PEX5L: variants seen among roughly 807,000 people sequenced by gnomAD.
PEX5L encodes PEX5-related protein.
In PEX5L, 30 loss-of-function variants were observed where a neutral mutation model predicts 84.0. The ratio of observed to expected loss-of-function variants is 0.36; its 90% CI spans 0.27 to 0.48. The LOEUF is 0.48. Ranked by LOEUF, PEX5L falls within the 20% of genes least tolerant of loss-of-function variation. The pLI, the probability that PEX5L is intolerant of heterozygous loss-of-function variation, is 0.99. For synonymous variants in PEX5L, 270 were observed against 283.1 expected, an observed-to-expected ratio of 0.95 and a Z score of 0.46; for missense variants, 533 against 754.6, an observed-to-expected ratio of 0.71 and a Z score of 3.44.
At chr3:179,855,016 C>T (rs1577647215) in intron 8 of PEX5L, among the ~76,000 whole-genome samples, 2 of 152,162 alleles carry the variant, frequency 1.3e-5, no homozygotes, top group East Asian at 3.9e-4. Flanking sequence ...AGGAACCTGC[C>T]ACCTGAAGAT....
chr3:179,982,477 T>A (rs1786425296), intron 1 of PEX5L, among the ~76,000 whole-genome samples: 1 of 152,102 alleles, frequency 6.6e-6, no homozygotes, highest in African/African-American at 2.4e-5. Context: ...ATCCCAAATC[T>A]TAGGTGCTTC....
intron 9 of PEX5L, among the ~76,000 whole-genome samples, chr3:179,818,144 T>C (rs912981331): frequency 3.3e-5 from 5 of 152,204 alleles, no homozygotes; most frequent in African/African-American, 1.2e-4. Flanking sequence ...AGATACTCAA[T>C]AAATATTTGT....
At chr3:179,929,087 T>C (rs1380375936) in intron 2 of PEX5L, among the ~76,000 whole-genome samples, 3 of 152,168 alleles carry the variant, frequency 2.0e-5, no homozygotes, top group Non-Finnish European at 4.4e-5. Flanking sequence ...TTCCATCAAG[T>C]CTCAATAATC....
intron 8 of PEX5L, among the ~76,000 whole-genome samples, chr3:179,828,757 A>G (rs746959994): frequency 1.3e-5 from 2 of 152,164 alleles, no homozygotes; most frequent in Non-Finnish European, 2.9e-5. Context: ...CCACAAAAAC[A>G]GAGACCTTTG....
chr3:179,801,879 A>G lies in PEX5L; in HGVS notation c.1830T>C (p.Ala610=). ...LMDQPELFQA[A]NLGDLDVLLR... ...AGAGGACATCCAGGTCACCAAGATT[A>G]GCCGCCTGGAAGAGTTCTGGTTGGT... Residue 610 remains alanine, a synonymous_variant, in exon 15 of 15, where the codon GCT becomes GCC. Coordinates refer to ENST00000467460, the MANE Select transcript of PEX5L (RefSeq NM_016559.3). The G allele has an allele frequency of 6.2e-7, 1 of 1,614,074 alleles. No individual in the cohort carries two copies. The highest frequency in any genetic ancestry group is 8.5e-7 in the Non-Finnish European group (1 of 1,179,914).
rs966290627 is a variant in PEX5L, at chr3:179,798,877, C to T, written c.*2951G>A. 2.6e-5 allele frequency: 4 copies of T among 152,104 alleles called. No individual in the cohort carries two copies. Among genetic ancestry groups the T allele is most frequent in the African/African-American group, 7.2e-5 (3 of 41,420 alleles). The allele number at this position is 152,104 out of a possible 1,614,324, so 9.4% of individuals were successfully genotyped here. A position where few individuals can be genotyped will look rare whatever the true frequency, so the allele number is the denominator to read the frequency against. ...TTATACAAAAAGACTGTTCTAAAGT[C>T]TTGCTACTGATTTCTTGGTGGTGCT... On this transcript the variant is annotated 3_prime_UTR_variant, in exon 15 of 15. Transcript: ENST00000467460.
At chr3:179,819,228 C>T (rs1317196078) in intron 9 of PEX5L, among the ~76,000 whole-genome samples, 2 of 152,040 alleles carry the variant, frequency 1.3e-5, no homozygotes, top group African/African-American at 4.8e-5. Flanking sequence ...TCCCCCCAAC[C>T]CCACCAAGTG....
chr3:179,901,570 C>T (rs771311539), intron 2 of PEX5L, among the ~76,000 whole-genome samples: 1 of 152,184 alleles, frequency 6.6e-6, no homozygotes, highest in Non-Finnish European at 1.5e-5. Flanking sequence ...ATAATTTCAG[C>T]CTATTTCTTT....
At chr3:179,855,637 C>T (rs1337805164) in intron 8 of PEX5L, among the ~76,000 whole-genome samples, 1 of 152,122 alleles carries the variant, frequency 6.6e-6, no homozygotes. Context: ...ATGTTGAAAC[C>T]TAACTCCAAA....
rs369340133 is a variant in PEX5L, at chr3:179,863,574, G to A, written c.727-4417C>T. On this transcript the variant is annotated intron_variant, in intron 7 of 14. Coordinates refer to ENST00000467460, the MANE Select transcript of PEX5L (RefSeq NM_016559.3). The stretch of plus-strand genomic sequence containing the variant: ...ACGTACAAATGGCCAATAGATATAT[G>A]AACAAAATATTCAACATTACTAATC... Among the ~76,000 whole-genome samples the A allele has an allele frequency of 3.5e-3, 528 of 152,208 alleles. 6 individuals are homozygous for A. The highest frequency in any genetic ancestry group is 0.012 in the African/African-American group (502 of 41,540).
chr3:180,014,602 A>G (rs1055946973), intron 1 of PEX5L, among the ~76,000 whole-genome samples: 1 of 152,236 alleles, frequency 6.6e-6, no homozygotes, highest in Admixed American at 6.5e-5. Flanking sequence ...AAATCTGGAA[A>G]ATTGTTTGGA....
chr3:179,939,501 T>A (rs1775475708), intron 2 of PEX5L, among the ~76,000 whole-genome samples: 1 of 152,186 alleles, frequency 6.6e-6, no homozygotes. Flanking sequence ...GTCTTGGGAA[T>A]TAAAGCTTCA....
intron 2 of PEX5L, among the ~76,000 whole-genome samples, chr3:179,931,312 A>G (rs952433708): frequency 2.6e-5 from 4 of 152,234 alleles, no homozygotes. Context: ...CAAAGGCCTC[A>G]AAGGACATCT....
chr3:179,960,459 G>C (rs548647026), intron 2 of PEX5L, among the ~76,000 whole-genome samples: 1 of 152,278 alleles, frequency 6.6e-6, no homozygotes, highest in East Asian at 1.9e-4. Flanking sequence ...TTTTATTTGG[G>C]AGACAGTGGG....
intron 7 of PEX5L, among the ~76,000 whole-genome samples, chr3:179,863,389 C>T (rs73058681): frequency 0.25 from 38,516 of 151,952 alleles, 5,686 homozygotes; most frequent in Non-Finnish European, 0.33. Context: ...ACAATCAAGA[C>T]GACAAAGAAA....
chr3:180,024,650 C>T (rs1561079412), intron 1 of PEX5L, among the ~76,000 whole-genome samples: 1 of 151,782 alleles, frequency 6.6e-6, no homozygotes, highest in African/African-American at 2.4e-5. Context: ...AGTACAGCTC[C>T]TTCCTTGGAT....
chr3:180,016,618 A>G (rs1340541363), intron 1 of PEX5L, among the ~76,000 whole-genome samples: 3 of 152,320 alleles, frequency 2.0e-5, no homozygotes, highest in South Asian at 2.1e-4. Context: ...GGGGCTCCAG[A>G]GGTGACAGTG....
chr3:179,843,229 G>A (rs889185280), intron 8 of PEX5L, among the ~76,000 whole-genome samples: 2 of 152,162 alleles, frequency 1.3e-5, no homozygotes, highest in African/African-American at 4.8e-5. Flanking sequence ...AAATCATTGA[G>A]TCCAGAGATT....
At chr3:179,956,642 T>C (rs1379554075) in intron 2 of PEX5L, among the ~76,000 whole-genome samples, 1 of 152,212 alleles carries the variant, frequency 6.6e-6, no homozygotes, top group East Asian at 1.9e-4. Context: ...TAAAAATTCA[T>C]GCAAACTGAA....
Sources: gnomAD v4.1 joint callset for allele counts (sites outside exome capture counted in the v4.1 genomes callset) on GRCh38, gnomAD v4.1.1 for gene constraint, MANE v1.5 for transcripts, NCBI Gene and HGNC (gene_info 2026-07-23, HGNC 2026-07-21) for gene names.